SULT6B1: variants seen among roughly 807,000 people sequenced by gnomAD.
SULT6B1 encodes the protein sulfotransferase family 6B member 1.
Under a neutral mutation model 37.2 loss-of-function variants are expected in SULT6B1, and 44 were observed. The ratio of observed to expected loss-of-function variants is 1.18; its 90% CI spans 0.93 to 1.52. The LOEUF (loss-of-function observed/expected upper bound fraction) is 1.52. Ranked by LOEUF, SULT6B1 falls within the 40% of genes most tolerant of loss-of-function variation. The pLI is 0.00. For synonymous variants in SULT6B1, 140 were observed against 126.0 expected, an observed-to-expected ratio of 1.11 and a Z score of -0.74; for missense variants, 450 against 361.0, an observed-to-expected ratio of 1.25 and a Z score of -2.00.
At chr2:37,179,687 T>C in intron 3 of SULT6B1, 103 bp from the exon 4 acceptor site, 1 of 1,034,464 alleles carries the variant, frequency 9.7e-7, no homozygotes, top group East Asian at 2.6e-5. Flanking sequence ...TATTACATAA[T>C]TGTGTTAATA....
rs1284223259 is a variant in SULT6B1, at chr2:37,171,575, T to C, written c.640A>G (p.Ile214Val). The change falls in exon 6 of 7, where the codon ATA becomes GTA. Residue 214 changes from isoleucine (I) to valine (V), a missense_variant. Transcript: ENST00000535679. ...CCCAAGAACTCAGCAATCTGTTTTATTCCAGCAGCCAGATTCTGTAAAAAA... is the reference window on the plus strand; with the variant it reads ...CCCAAGAACTCAGCAATCTGTTTTACTCCAGCAGCCAGATTCTGTAAAAAA... ...EDLKENLAAG[I>V]KQIAEFLGFF... The C allele has an allele frequency of 1.9e-6, 3 of 1,612,544 alleles. No individual in the cohort carries two copies. Among genetic ancestry groups the C allele is most frequent in the Non-Finnish European group, 1.7e-6 (2 of 1,179,602 alleles).
At chr2:37,190,424 G>A (rs1400204537), upstream of SULT6B1, among the ~76,000 whole-genome samples, 1 of 152,070 alleles carries the variant, frequency 6.6e-6, no homozygotes, top group African/African-American at 2.4e-5. Flanking sequence ...CAGTTAAAAG[G>A]GTAGCTAACA....
intron 6 of SULT6B1, among the ~76,000 whole-genome samples, chr2:37,171,068 CT>C (rs913028581): frequency 1.3e-5 from 2 of 152,150 alleles, no homozygotes; most frequent in African/African-American, 4.8e-5. Context: ...AAAACCCTGC[CT>C]TTACTAAAAA....
In SULT6B1 at chr2:37,175,141, G is replaced by T; in HGVS notation, c.615C>A (p.Asp205Glu). Residue 205 changes from aspartate to glutamate, a missense_variant, in exon 5 of 7, where the codon GAC becomes GAA. By Grantham distance (45) the Asp-to-Glu change is conservative. Transcript: ENST00000535679. Reference sequence around the variant, plus strand: ...TCAATAATAATCTCACCTCTTTCAGGTCTTCATATAATATGAACTTAACAT... The same window carrying T: ...TCAATAATAATCTCACCTCTTTCAGTTCTTCATATAATATGAACTTAACAT... ...GDNVKFILYEDLKENLAAGIK... is the reference protein window; with the variant it reads ...GDNVKFILYEELKENLAAGIK... The T allele has an allele frequency of 3.2e-6, 5 of 1,538,656 alleles. No homozygotes were observed. The highest frequency in any genetic ancestry group is 1.4e-5 in the African/African-American group (1 of 72,540).
At chr2:37,181,231 G>T (rs1253976163) in intron 3 of SULT6B1, among the ~76,000 whole-genome samples, 1 of 152,106 alleles carries the variant, frequency 6.6e-6, no homozygotes. Flanking sequence ...GCCATTTGAG[G>T]GCTTTATATT....
At chr2:37,175,256 A>G in intron 4 of SULT6B1, 30 bp from the exon 5 acceptor site, 1 of 1,299,748 alleles carries the variant, frequency 7.7e-7, no homozygotes, top group Non-Finnish European at 1.1e-6. Flanking sequence ...GACTTTAAGA[A>G]ATGTCAAATA....
upstream of SULT6B1, among the ~76,000 whole-genome samples, chr2:37,191,734 C>A (rs372009418): frequency 6.6e-6 from 1 of 151,954 alleles, no homozygotes; most frequent in Admixed American, 6.6e-5. Context: ...AAGGTGGGTA[C>A]GAAAAAAACT....
At chr2:37,185,194 G>C (rs903635099) in intron 2 of SULT6B1, among the ~76,000 whole-genome samples, 2 of 152,098 alleles carry the variant, frequency 1.3e-5, no homozygotes, top group Admixed American at 6.6e-5. Flanking sequence ...AAATGGTAAG[G>C]TTACTAAAAG....
chr2:37,179,418 T>C (rs771304745), intron 4 of SULT6B1, 40 bp downstream of exon 4: 17 of 1,609,454 alleles, frequency 1.1e-5, no homozygotes, highest in Middle Eastern at 1.7e-4. Context: ...TATGTGGTCA[T>C]CTGATCAAGT....
chr2:37,169,670 T>G (rs932899163), intron 6 of SULT6B1, among the ~76,000 whole-genome samples: 6 of 152,118 alleles, frequency 3.9e-5, no homozygotes, highest in Admixed American at 1.3e-4. Context: ...AATTTTTATA[T>G]TTTTGGTAGA....
At chr2:37,181,159 T>G (rs1676541423) in intron 3 of SULT6B1, among the ~76,000 whole-genome samples, 1 of 152,016 alleles carries the variant, frequency 6.6e-6, no homozygotes, top group Admixed American at 6.6e-5. Flanking sequence ...TGGGTCTGGG[T>G]CTTGTCTTGT....
At chr2:37,179,317 C>A in intron 4 of SULT6B1, 141 bp downstream of exon 4, 2 of 1,040,376 alleles carry the variant, frequency 1.9e-6, no homozygotes, top group South Asian at 1.5e-5. Context: ...ACTAATGGTG[C>A]TATGACCGTT....
At chr2:37,183,144 C>A (rs1676592846) in intron 3 of SULT6B1, among the ~76,000 whole-genome samples, 1 of 152,102 alleles carries the variant, frequency 6.6e-6, no homozygotes, top group Admixed American at 6.5e-5. Context: ...GCATGAAACA[C>A]TCTAAATATT....
upstream of SULT6B1, among the ~76,000 whole-genome samples, chr2:37,190,222 A>C (rs1392148984): frequency 6.6e-6 from 1 of 152,196 alleles, no homozygotes; most frequent in Non-Finnish European, 1.5e-5. Flanking sequence ...AAATATCTAT[A>C]AATGTAGACT....
chr2:37,184,646 T>C (rs984359325), intron 2 of SULT6B1, among the ~76,000 whole-genome samples: 4 of 152,128 alleles, frequency 2.6e-5, no homozygotes, highest in Non-Finnish European at 4.4e-5. Context: ...TCCTGCCCAA[T>C]ATGGGGAAAC....
intron 4 of SULT6B1, among the ~76,000 whole-genome samples, chr2:37,175,771 G>T (rs115472455): frequency 0.024 from 3,622 of 152,158 alleles, 65 homozygotes; most frequent in Middle Eastern, 0.058. Flanking sequence ...ATTTTAATAT[G>T]CTAAATCTTC....
Position 37,171,584 on chromosome 2 carries a change from C to T in SULT6B1, c.631G>A (p.Ala211Thr). ...ILYEDLKENL[A>T]AGIKQIAEFL... ...TCAGCAATCTGTTTTATTCCAGCAGCCAGATTCTGTAAAAAAATTTTCTTA... is the reference window on the plus strand; with the variant it reads ...TCAGCAATCTGTTTTATTCCAGCAGTCAGATTCTGTAAAAAAATTTTCTTA... The change falls in exon 6 of 7, where the codon GCT (alanine) becomes ACT (threonine). Residue 211 changes from alanine to threonine, a missense_variant. Physicochemically the swap from Ala to Thr is moderately conservative, Grantham distance 58. Transcript: ENST00000535679. 1.2e-6 allele frequency: 2 copies of T among 1,609,476 alleles called. No individual in the cohort carries two copies. The highest frequency in any genetic ancestry group is 1.7e-6 in the Non-Finnish European group (2 of 1,178,748).
chr2:37,186,307 C>G (rs1013736195), intron 2 of SULT6B1, among the ~76,000 whole-genome samples: 1 of 152,154 alleles, frequency 6.6e-6, no homozygotes, highest in Non-Finnish European at 1.5e-5. Flanking sequence ...CCGCTGCATT[C>G]TGGTGTGTCT....
upstream of SULT6B1, chr2:37,191,365 C>T (rs963017465): frequency 6.6e-6 from 1 of 152,188 alleles, no homozygotes; most frequent in Non-Finnish European, 1.5e-5. Flanking sequence ...GGCACATCCC[C>T]GCCTGGGCCT....
Sources: allele counts gnomAD v4.1 joint callset (sites outside exome capture counted in the v4.1 genomes callset), GRCh38; gene constraint gnomAD v4.1.1; transcripts MANE v1.5; gene names NCBI Gene and HGNC (gene_info 2026-07-23, HGNC 2026-07-21).